The following EFHC2 variants were observed in gnomAD, a reference collection of about 807,000 sequenced individuals.
The protein encoded by EFHC2 is EF-hand domain-containing family member C2.
EFHC2 carries 18 observed loss-of-function variants against 52.7 expected under a neutral mutation model. The observed-to-expected ratio is 0.34, with a 90% CI of 0.24 to 0.51. EFHC2 has a LOEUF of 0.51. Among genes scored for constraint, EFHC2 ranks in the 20% least tolerant of loss-of-function variants. The pLI is 0.97. For synonymous variants in EFHC2, 203 were observed against 204.1 expected (o/e 0.99, Z 0.04); for missense variants, 513 against 562.5 (o/e 0.91, Z 0.89).
intron 2 of EFHC2, among the ~76,000 whole-genome samples, chrX:44,297,519 T>C (rs2037834354): frequency 9.3e-6 from 1 of 107,791 alleles, no homozygotes; most frequent in African/African-American, 3.4e-5. Flanking sequence ...AAGTCAGGAG[T>C]TCCAGACCAG....
chrX:44,178,006 C>T (rs1371692138), intron 12 of EFHC2, among the ~76,000 whole-genome samples: 1 of 108,995 alleles, frequency 9.2e-6, no homozygotes, highest in African/African-American at 3.3e-5. Flanking sequence ...TGGTGCGAGC[C>T]TGTAGTCCCA....
At chrX:44,343,513 G>C (rs751330654) in intron 1 of EFHC2, 34 bp downstream of exon 1, 2 of 1,180,259 alleles carry the variant, frequency 1.7e-6, no homozygotes, top group South Asian at 1.9e-5. Flanking sequence ...GACTCCAGCC[G>C]GGAGCTGTGA....
At chrX:44,210,766 A>G (rs1464481146) in intron 11 of EFHC2, among the ~76,000 whole-genome samples, 3 of 112,659 alleles carry the variant, frequency 2.7e-5, no homozygotes, top group African/African-American at 9.7e-5. Flanking sequence ...GCCTTGGATT[A>G]GGCCAAGACT....
intron 2 of EFHC2, among the ~76,000 whole-genome samples, chrX:44,299,796 G>A (rs2037855203): frequency 9.0e-6 from 1 of 111,453 alleles, no homozygotes; most frequent in African/African-American, 3.3e-5. Context: ...TTTTGTTCTT[G>A]TTTTACCATG....
intron 11 of EFHC2, among the ~76,000 whole-genome samples, chrX:44,210,756 G>A (rs1488011433): frequency 8.9e-6 from 1 of 112,320 alleles, no homozygotes; most frequent in East Asian, 2.8e-4. Flanking sequence ...AACCTGTGTG[G>A]CCTTGGATTA....
At chrX:44,323,060 C>G (rs2038031944) in intron 1 of EFHC2, among the ~76,000 whole-genome samples, 1 of 111,761 alleles carries the variant, frequency 8.9e-6, no homozygotes, top group African/African-American at 3.3e-5. Context: ...AACCCAAGAG[C>G]TTATATGTTC....
intron 2 of EFHC2, among the ~76,000 whole-genome samples, chrX:44,300,906 C>A (rs193169680): frequency 9.2e-6 from 1 of 109,212 alleles, no homozygotes; most frequent in Non-Finnish European, 1.9e-5. Flanking sequence ...GTCAGGAGAT[C>A]GAGACCATCC....
chrX:44,340,576 T>C (rs1437920942), intron 1 of EFHC2, among the ~76,000 whole-genome samples: 1 of 111,288 alleles, frequency 9.0e-6, no homozygotes, highest in African/African-American at 3.3e-5. Flanking sequence ...GGAGAATCGC[T>C]TGAAGCCAGA....
chrX:44,329,142 A>G (rs949694968), intron 1 of EFHC2, among the ~76,000 whole-genome samples: 1 of 111,726 alleles, frequency 9.0e-6, no homozygotes, highest in African/African-American at 3.3e-5. Flanking sequence ...TTAGTCAGGT[A>G]TTCCATTACT....
intron 11 of EFHC2, among the ~76,000 whole-genome samples, chrX:44,226,557 G>T (rs761196349): frequency 9.0e-6 from 1 of 111,388 alleles, no homozygotes; most frequent in East Asian, 2.8e-4. Flanking sequence ...AGACATGCGA[G>T]GGGGAAACGT....
rs750610150 is a variant in EFHC2, at chrX:44,148,665, T to C, written c.*130A>G. ...AACTAACATGACAAAATAGGATTAA[T>C]TGTGGTTTATGGATTTCCATTTAAT... On this transcript the variant is annotated 3_prime_UTR_variant, in exon 15 of 15. Coordinates refer to ENST00000420999, the MANE Select transcript of EFHC2 (RefSeq NM_025184.4). The C allele has an allele frequency of 2.8e-4, 152 of 545,847 alleles. 1 individual carries two copies. In the East Asian group the frequency reaches 5.7e-3, roughly 20 times the overall value. The allele number at this position is 545,847 out of a possible 1,213,427, so 45.0% of individuals were successfully genotyped here.
chrX:44,310,427 A>G, intron 2 of EFHC2: 1 of 982,414 alleles, frequency 1.0e-6, no homozygotes, highest in African/African-American at 1.9e-5. Flanking sequence ...CGAGAGCTGC[A>G]GCTGCTGCGG....
At chrX:44,207,443 G>A (rs760170743) in intron 11 of EFHC2, among the ~76,000 whole-genome samples, 4 of 110,719 alleles carry the variant, frequency 3.6e-5, no homozygotes, top group South Asian at 3.9e-4. Flanking sequence ...CCCGAGAGGC[G>A]GAGGTTACGG....
chrX:44,306,845 G>A lies in EFHC2; in HGVS notation c.231+5723C>T, dbSNP rs150938932. 8.0e-3 allele frequency among the ~76,000 whole-genome samples: 893 copies of A among 112,125 alleles called. 4 individuals carry two copies. Among genetic ancestry groups the A allele is most frequent in the Middle Eastern group, 0.023 (5 of 218 alleles). On this transcript the variant is annotated intron_variant, in intron 2 of 14. Transcript: ENST00000420999. ...GCAGACTCTTGGGAGAAACCTGTAA[G>A]GGAGTGAGGGAAGCAGCAAAGGAAA...
intron 10 of EFHC2, among the ~76,000 whole-genome samples, chrX:44,231,463 C>T (rs1484437977): frequency 9.0e-6 from 1 of 110,569 alleles, no homozygotes; most frequent in Non-Finnish European, 1.9e-5. Flanking sequence ...ACCCCTCCTC[C>T]TTCCTTTCGC....
chrX:44,228,985 C>T (rs1450711582), intron 11 of EFHC2, among the ~76,000 whole-genome samples: 1 of 112,150 alleles, frequency 8.9e-6, no homozygotes, highest in Non-Finnish European at 1.9e-5. Context: ...CACGATTGTA[C>T]TAGACCCTGA....
chrX:44,223,910 G>A (rs868301042), intron 11 of EFHC2, among the ~76,000 whole-genome samples: 70 of 111,808 alleles, frequency 6.3e-4, no homozygotes, highest in African/African-American at 2.2e-3. Context: ...AATGTACACA[G>A]AGTAGTCCAA....
intron 4 of EFHC2, among the ~76,000 whole-genome samples, chrX:44,253,257 A>G (rs372810280): frequency 9.4e-6 from 1 of 106,878 alleles, no homozygotes; most frequent in South Asian, 4.2e-4. Flanking sequence ...TTCATACCCC[A>G]GTGGCGCCTG....
chrX:44,334,452 A>G (rs1397987640), intron 1 of EFHC2, among the ~76,000 whole-genome samples: 2 of 111,939 alleles, frequency 1.8e-5, no homozygotes, highest in Non-Finnish European at 3.8e-5. Flanking sequence ...CATACCACCA[A>G]AACTGGATTA....
Sources: allele counts gnomAD v4.1 joint callset (sites outside exome capture counted in the v4.1 genomes callset), GRCh38; gene constraint gnomAD v4.1.1; transcripts MANE v1.5; gene names NCBI Gene and HGNC (gene_info 2026-07-23, HGNC 2026-07-21).